KHDRBS2: variants seen among roughly 807,000 people sequenced by gnomAD.
KHDRBS2 encodes the protein KH domain-containing, RNA-binding, signal transduction-associated protein 2.
KHDRBS2 carries 26 observed loss-of-function variants against 44.3 expected under a neutral mutation model. That is an observed-to-expected ratio of 0.59 (90% CI 0.43 to 0.81). KHDRBS2 has a LOEUF of 0.81. Among genes scored for constraint, KHDRBS2 ranks in the 40% least tolerant of loss-of-function variants. The pLI is 0.00. For synonymous variants in KHDRBS2, 194 were observed against 151.1 expected (o/e 1.28, Z -2.08); for missense variants, 476 against 433.1 (o/e 1.10, Z -0.88).
the KHDRBS2 span, among the ~76,000 whole-genome samples, chr6:61,575,249 A>T: frequency 3.3e-5 from 5 of 152,210 alleles, no homozygotes; most frequent in Admixed American, 2.0e-4. Context: ...TCTACAAGGA[A>T]CTCAAACAAA....
intron 3 of KHDRBS2, among the ~76,000 whole-genome samples, chr6:61,983,330 G>A (rs2127406401): frequency 6.8e-6 from 1 of 147,400 alleles, no homozygotes; most frequent in East Asian, 2.0e-4. Context: ...CCTAACTCTG[G>A]CTCCCAGAGT....
Position 61,850,781 on chromosome 6 carries a change from G to A in KHDRBS2, c.810+43854C>T, listed in dbSNP as rs77536484. The stretch of plus-strand genomic sequence containing the variant: ...GGAGGCTGAGGCAATACCTTTGAAG[G>A]AGACAGTCATGAGATCTAGGGGTGG... On this transcript the variant is annotated intron_variant, in intron 6 of 8. Transcript: ENST00000281156. 3.6e-3 allele frequency among the ~76,000 whole-genome samples: 550 copies of A among 152,188 alleles called. 2 individuals carry two copies. Among genetic ancestry groups the A allele is most frequent in the African/African-American group, 0.012 (503 of 41,518 alleles).
chr6:62,086,149 G>A (rs1798337214), intron 2 of KHDRBS2, among the ~76,000 whole-genome samples: 1 of 152,110 alleles, frequency 6.6e-6, no homozygotes, highest in South Asian at 2.1e-4. Flanking sequence ...TTTCAGTGAC[G>A]CTTGATAGAT....
At chr6:61,691,821 A>G (rs777342603) in intron 8 of KHDRBS2, among the ~76,000 whole-genome samples, 1 of 152,062 alleles carries the variant, frequency 6.6e-6, no homozygotes, top group Non-Finnish European at 1.5e-5. Flanking sequence ...CTCAACACAA[A>G]ATGAATACAT....
At chr6:62,055,380 T>C (rs913283419) in intron 2 of KHDRBS2, among the ~76,000 whole-genome samples, 2 of 152,022 alleles carry the variant, frequency 1.3e-5, no homozygotes, top group Admixed American at 6.6e-5. Context: ...CATGATGACA[T>C]AATTTTACAC....
intron 6 of KHDRBS2, among the ~76,000 whole-genome samples, chr6:61,736,000 G>A (rs563459406): frequency 1.3e-4 from 20 of 151,542 alleles, no homozygotes; most frequent in Admixed American, 1.1e-3. Flanking sequence ...TTGTGTGTGT[G>A]TTTCTTTTCA....
Position 61,697,253 on chromosome 6 carries a change from A to G in KHDRBS2, c.894T>C (p.Ser298=). The change falls in exon 8 of 9, where the codon AGT becomes AGC. Residue 298 remains serine, a splice_region_variant and synonymous_variant. Transcript: ENST00000281156. ...GACCGTAGTCATAGTATTCAGGCAC[A>G]CTGCAACAAATTTAGATAGCAATCA... is the stretch of plus-strand genomic sequence containing the variant. The part of the protein sequence containing the change: ...YDNSYATQTQ[S]VPEYYDYGHG... 1 of 1,595,720 alleles carries G rather than the reference A, an allele frequency of 6.3e-7. No homozygotes were observed. The highest frequency in any genetic ancestry group is 8.6e-7 in the Non-Finnish European group (1 of 1,163,544).
the KHDRBS2 span, chr6:61,574,385 G>C: frequency 6.6e-7 from 1 of 1,525,112 alleles, no homozygotes; most frequent in South Asian, 1.2e-5. Flanking sequence ...TGACCTGCCC[G>C]TGAAGAGGCG....
At chr6:61,970,270 T>G (rs1366839923) in intron 4 of KHDRBS2, among the ~76,000 whole-genome samples, 1 of 151,978 alleles carries the variant, frequency 6.6e-6, no homozygotes, top group Non-Finnish European at 1.5e-5. Context: ...AAGAAAAGTT[T>G]CTTGTTTGCA....
intron 4 of KHDRBS2, among the ~76,000 whole-genome samples, chr6:61,959,860 A>G (rs764650004): frequency 1.6e-4 from 25 of 152,312 alleles, no homozygotes; most frequent in South Asian, 4.1e-4. Flanking sequence ...TGCTTCTGTT[A>G]GAAATTCTTG....
the KHDRBS2 span, among the ~76,000 whole-genome samples, chr6:61,659,463 G>T: frequency 6.6e-6 from 1 of 151,750 alleles, no homozygotes; most frequent in South Asian, 2.1e-4. Context: ...ACATTCATGG[G>T]GTTCAAATGT....
chr6:61,737,532 T>A (rs1289017615), intron 6 of KHDRBS2, among the ~76,000 whole-genome samples: 1 of 152,110 alleles, frequency 6.6e-6, no homozygotes, highest in Non-Finnish European at 1.5e-5. Context: ...CAACACTGCA[T>A]CCTACATGTT....
chr6:61,543,115 A>G, the KHDRBS2 span, among the ~76,000 whole-genome samples: 2 of 152,096 alleles, frequency 1.3e-5, no homozygotes, highest in Middle Eastern at 6.8e-3. Context: ...GACAAATGGG[A>G]TCACATCATG....
intron 6 of KHDRBS2, among the ~76,000 whole-genome samples, chr6:61,827,240 A>G (rs760241595): frequency 2.4e-4 from 36 of 152,284 alleles, no homozygotes; most frequent in Non-Finnish European, 4.7e-4. Context: ...TGGTGCTCAA[A>G]ATGCACAAAG....
the KHDRBS2 span, among the ~76,000 whole-genome samples, chr6:61,664,784 C>T: frequency 6.6e-6 from 1 of 151,704 alleles, no homozygotes; most frequent in South Asian, 2.1e-4. Context: ...GTATATTTTG[C>T]ATTTCTTAAA....
intron 6 of KHDRBS2, among the ~76,000 whole-genome samples, chr6:61,772,790 CT>C (rs1429150566): frequency 2.0e-5 from 3 of 152,060 alleles, no homozygotes; most frequent in Non-Finnish European, 4.4e-5. Flanking sequence ...TCCCTACCCC[CT>C]ACCCCAACTC....
intron 2 of KHDRBS2, among the ~76,000 whole-genome samples, chr6:62,134,860 T>C (rs1170307509): frequency 6.6e-6 from 1 of 152,192 alleles, no homozygotes; most frequent in Non-Finnish European, 1.5e-5. Flanking sequence ...GAAATGGGTA[T>C]ATTTATACAA....
At chr6:61,865,694 T>C (rs1797681760) in intron 6 of KHDRBS2, among the ~76,000 whole-genome samples, 1 of 152,164 alleles carries the variant, frequency 6.6e-6, no homozygotes, top group South Asian at 2.1e-4. Flanking sequence ...CCCCAAAGTC[T>C]TAATTCATTT....
At position 61,809,882 on chromosome 6, in the gene KHDRBS2, G is replaced by A. The variant is rs532378697; in HGVS notation, c.811-77118C>T. Among the ~76,000 whole-genome samples the A allele has an allele frequency of 4.6e-5, 7 of 152,238 alleles. No homozygotes were observed. The South Asian group carries it at 1.4e-3, about 32-fold the overall frequency. On this transcript the variant is annotated intron_variant, in intron 6 of 8. Transcript: ENST00000281156. ...ACTGAATATTTTTAGTTTCATCATT[G>A]TGAAGATTCATAATGTAAAGACAAT...
Sources: allele counts gnomAD v4.1 joint callset (sites outside exome capture counted in the v4.1 genomes callset), GRCh38; gene constraint gnomAD v4.1.1; transcripts MANE v1.5; gene names NCBI Gene and HGNC (gene_info 2026-07-23, HGNC 2026-07-21).